Variants in DLGAP4 observed in about 807,000 individuals in gnomAD.
DLGAP4 encodes disks large-associated protein 4.
In DLGAP4, 18 loss-of-function variants were observed where a neutral mutation model predicts 86.9. The observed-to-expected ratio is 0.21, with a 90% CI of 0.14 to 0.31. DLGAP4 has a LOEUF of 0.31. Among genes scored for constraint, DLGAP4 ranks in the 10% least tolerant of loss-of-function variants. The probability of loss-of-function intolerance (pLI) is 1.00; values close to 1 mark genes in which losing one functional copy is unlikely to be tolerated. For synonymous variants in DLGAP4, 548 were observed against 574.3 expected, an observed-to-expected ratio of 0.95 and a Z score of 0.65; for missense variants, 1,085 against 1,362.6, an observed-to-expected ratio of 0.80 and a Z score of 3.21.
At chr20:36,439,634 C>G in intron 4 of DLGAP4, 120 bp from the exon 5 acceptor site, 1 of 805,800 alleles carries the variant, frequency 1.2e-6, no homozygotes. Flanking sequence ...TGCTGCCACC[C>G]TGCGGCTGCA....
intron 7 of DLGAP4, chr20:36,461,756 C>CCCGA: frequency 2.0e-6 from 1 of 498,926 alleles, no homozygotes; most frequent in Non-Finnish European, 2.5e-6. Flanking sequence ...CGTCCGCCCG[C>CCCGA]CCGCCCGCCC....
At chr20:36,514,133 T>C (rs1247980492) in intron 10 of DLGAP4, among the ~76,000 whole-genome samples, 1 of 144,450 alleles carries the variant, frequency 6.9e-6, no homozygotes, top group African/African-American at 2.8e-5. Flanking sequence ...GGAAGAGCAA[T>C]TGGAAGCCAC....
intron 2 of DLGAP4, among the ~76,000 whole-genome samples, chr20:36,383,210 G>A (rs2031468409): frequency 6.6e-6 from 1 of 152,168 alleles, no homozygotes; most frequent in Non-Finnish European, 1.5e-5. Flanking sequence ...AGGGCTCAAG[G>A]CAGCTCAAGC....
chr20:36,461,527 GGCC>G (rs746742747), intron 7 of DLGAP4: 169 of 980,998 alleles, frequency 1.7e-4, no homozygotes, highest in Middle Eastern at 5.2e-4. Context: ...GCCCGCCGCT[GGCC>G]GCCGCCGCCG....
At chr20:36,434,140 T>C (rs553955194) in intron 3 of DLGAP4, among the ~76,000 whole-genome samples, 8 of 151,126 alleles carry the variant, frequency 5.3e-5, no homozygotes, top group Admixed American at 4.6e-4. Context: ...GATGGGGTTT[T>C]ATCATGTTGG....
chr20:36,386,383 G>A (rs1325196094), intron 2 of DLGAP4, among the ~76,000 whole-genome samples: 1 of 149,874 alleles, frequency 6.7e-6, no homozygotes, highest in African/African-American at 2.5e-5. Context: ...AGGGAGGAGG[G>A]AAAAAAGGGA....
chr20:36,322,241 G>A (rs781839009), intron 1 of DLGAP4, among the ~76,000 whole-genome samples: 5 of 151,998 alleles, frequency 3.3e-5, no homozygotes, highest in Non-Finnish European at 7.3e-5. Flanking sequence ...GGGGTGTGAG[G>A]AAGGTGGGGT....
In DLGAP4 at chr20:36,444,870, C is replaced by T. The variant is rs144772580; in HGVS notation, c.1408-1827C>T. ...GGCCAGGCTGGTCTTGAACTCCTGA[C>T]CTCAAGTGATCTACCCACCTTGGCG... On this transcript the variant is annotated intron_variant, in intron 6 of 12. Coordinates refer to ENST00000339266, the MANE Select transcript of DLGAP4 (RefSeq NM_001365621.2). 1.8e-3 allele frequency among the ~76,000 whole-genome samples: 274 copies of T among 151,712 alleles called. 2 individuals carry two copies. Among genetic ancestry groups the T allele is most frequent in the African/African-American group, 6.2e-3 (258 of 41,398 alleles).
At position 36,374,262 on chromosome 20, in the gene DLGAP4, T is replaced by C. The variant is rs8116748; in HGVS notation, c.-73+6987T>C. 5.0e-3 allele frequency among the ~76,000 whole-genome samples: 762 copies of C among 151,984 alleles called. 7 individuals are homozygous for C. Among genetic ancestry groups the C allele is most frequent in the African/African-American group, 0.017 (686 of 41,424 alleles). Reference sequence around the variant, plus strand: ...GAGGGGAGCACATGGATGATTTGTCTGGAATGTGAGAGGTGCTAAGGTGGA... The same window carrying C: ...GAGGGGAGCACATGGATGATTTGTCCGGAATGTGAGAGGTGCTAAGGTGGA... On this transcript the variant is annotated intron_variant, in intron 2 of 12. Transcript: ENST00000339266.
chr20:36,460,712 G>C (rs901999441), intron 7 of DLGAP4, among the ~76,000 whole-genome samples: 4 of 152,228 alleles, frequency 2.6e-5, no homozygotes, highest in African/African-American at 9.6e-5. Flanking sequence ...TCGCGGGGTA[G>C]AAGCCAGGAA....
intron 1 of DLGAP4, among the ~76,000 whole-genome samples, chr20:36,358,219 A>T (rs1185065777): frequency 4.6e-5 from 7 of 152,240 alleles, no homozygotes; most frequent in African/African-American, 1.7e-4. Context: ...CGCATGAGAC[A>T]GTGGATATGA....
chr20:36,392,408 G>A (rs1267131485), intron 2 of DLGAP4, among the ~76,000 whole-genome samples: 5 of 152,090 alleles, frequency 3.3e-5, no homozygotes, highest in South Asian at 4.1e-4. Context: ...ATCTCGCTAC[G>A]TCTTCCAGGC....
At chr20:36,377,533 G>C (rs1455337920) in intron 2 of DLGAP4, among the ~76,000 whole-genome samples, 1 of 152,172 alleles carries the variant, frequency 6.6e-6, no homozygotes, top group Non-Finnish European at 1.5e-5. Context: ...TGGATGTTGC[G>C]CTAGATTCCT....
chr20:36,464,725 C>T (rs747392817), intron 7 of DLGAP4, among the ~76,000 whole-genome samples: 48 of 152,126 alleles, frequency 3.2e-4, no homozygotes, highest in Non-Finnish European at 4.3e-4. Context: ...TGGCACACGC[C>T]TGTAATCCCA....
At chr20:36,492,637 C>G (rs1266187316) in intron 7 of DLGAP4, 1 of 152,266 alleles carries the variant, frequency 6.6e-6, no homozygotes, top group Non-Finnish European at 1.5e-5. Context: ...CATGCACACT[C>G]TTCATGGACA....
intron 7 of DLGAP4, among the ~76,000 whole-genome samples, chr20:36,448,207 G>A (rs887835353): frequency 7.2e-5 from 11 of 152,048 alleles, no homozygotes; most frequent in Admixed American, 7.2e-4. Flanking sequence ...AAAATTCGCT[G>A]GTCGGGTTGG....
intron 10 of DLGAP4, 110 bp from the exon 11 acceptor site, chr20:36,524,140 A>C (rs1345387860): frequency 4.8e-6 from 4 of 830,506 alleles, no homozygotes; most frequent in Non-Finnish European, 8.2e-6. Flanking sequence ...GCCATCATGA[A>C]ATAATGAGTT....
rs73275106 is a variant in DLGAP4, at chr20:36,343,187, A to C, written c.-303-23858A>C. Among the ~76,000 whole-genome samples, 903 of 152,250 alleles carry C rather than the reference A, an allele frequency of 5.9e-3. 10 individuals are homozygous for C. Among genetic ancestry groups the C allele is most frequent in the African/African-American group, 0.02 (845 of 41,552 alleles). On this transcript the variant is annotated intron_variant, in intron 1 of 12. Coordinates refer to ENST00000339266, the MANE Select transcript of DLGAP4 (RefSeq NM_001365621.2). ...ACAAAGACCCCTCTGGCCTCTGTGA[A>C]AGTGAATTGGAGCAGCATGTGGAAG... is the stretch of plus-strand genomic sequence containing the variant.
chr20:36,482,655 G>A (rs932277841), intron 7 of DLGAP4, among the ~76,000 whole-genome samples: 12 of 151,780 alleles, frequency 7.9e-5, no homozygotes, highest in African/African-American at 2.9e-4. Context: ...CCTGCTTCTC[G>A]TGGGTTGTTT....
Sources: allele counts gnomAD v4.1 joint callset (sites outside exome capture counted in the v4.1 genomes callset), GRCh38; gene constraint gnomAD v4.1.1; transcripts MANE v1.5; gene names NCBI Gene and HGNC (gene_info 2026-07-23, HGNC 2026-07-21).